The following GLRA1 variants were observed in gnomAD, a reference collection of about 807,000 sequenced individuals.
GLRA1 encodes glycine receptor subunit alpha-1.
A neutral mutation model predicts 48.3 loss-of-function variants in GLRA1; 37 were observed. The observed-to-expected ratio is 0.77, with a 90% CI of 0.59 to 1.01. The LOEUF is 1.01. GLRA1 is among the 50% of genes least tolerant of loss of function. The pLI, the probability that GLRA1 is intolerant of heterozygous loss-of-function variation, is 0.00. For synonymous variants in GLRA1, 196 were observed against 210.7 expected, an observed-to-expected ratio of 0.93 and a Z score of 0.60; for missense variants, 427 against 571.0, an observed-to-expected ratio of 0.75 and a Z score of 2.57.
At chr5:151,850,083 T>G in intron 7 of GLRA1, 1 of 1,604,054 alleles carries the variant, frequency 6.2e-7, no homozygotes, top group Non-Finnish European at 8.5e-7. Flanking sequence ...GGAGCAGGAA[T>G]ATACCCTCAT....
In GLRA1 at chr5:151,914,321, C is replaced by A. The variant is rs548536896; in HGVS notation, c.56+10173G>T. Among the ~76,000 whole-genome samples the A allele has an allele frequency of 2.2e-4, 34 of 152,248 alleles. No individual in the cohort carries two copies. In the South Asian group the frequency reaches 6.6e-3, roughly 30 times the overall value. The stretch of plus-strand genomic sequence containing the variant: ...TATGGAGGGCTGGCCCTTTCTGCTC[C>A]CCTTGCCTTGTCTGGGCTGGATGTG... On this transcript the variant is annotated intron_variant, in intron 1 of 8. Coordinates refer to ENST00000274576, the MANE Select transcript of GLRA1 (RefSeq NM_000171.4).
intron 7 of GLRA1, among the ~76,000 whole-genome samples, chr5:151,832,450 T>C (rs764105809): frequency 1.3e-5 from 2 of 151,788 alleles, no homozygotes; most frequent in African/African-American, 2.4e-5. Flanking sequence ...TAGAGAAGAA[T>C]ATAAATGACC....
intron 4 of GLRA1, among the ~76,000 whole-genome samples, chr5:151,857,811 G>A (rs529781367): frequency 2.0e-5 from 3 of 152,358 alleles, no homozygotes; most frequent in South Asian, 4.1e-4. Flanking sequence ...CAACATCTGA[G>A]TGCCTGCTGC....
intron 7 of GLRA1, among the ~76,000 whole-genome samples, chr5:151,840,164 G>T (rs1275046485): frequency 6.6e-6 from 1 of 151,832 alleles, no homozygotes; most frequent in Non-Finnish European, 1.5e-5. Flanking sequence ...TGCCAGCATG[G>T]CTCACTGCAG....
At chr5:151,873,638 C>G (rs1014870229) in intron 3 of GLRA1, among the ~76,000 whole-genome samples, 24 of 148,814 alleles carry the variant, frequency 1.6e-4, no homozygotes, top group Non-Finnish European at 7.4e-5. Flanking sequence ...TGCACTCCAA[C>G]CTGGGTGACA....
Position 151,841,201 on chromosome 5 carries a change from A to G in GLRA1, c.912+10189T>C, listed in dbSNP as rs1049764963. ...TGTTTTCTGATTTCAATGGAATATT[A>G]AAAATCAATAACCAAAAGAAAGTTG... On this transcript the variant is annotated intron_variant, in intron 7 of 8. Transcript: ENST00000274576. Among the ~76,000 whole-genome samples, 8 of 152,158 alleles carry G rather than the reference A, an allele frequency of 5.3e-5. No individual in the cohort carries two copies. In the East Asian group the frequency reaches 7.7e-4, roughly 15 times the overall value.
At chr5:151,878,889 G>A (rs1257380250) in intron 3 of GLRA1, among the ~76,000 whole-genome samples, 2 of 152,232 alleles carry the variant, frequency 1.3e-5, no homozygotes, top group Non-Finnish European at 2.9e-5. Flanking sequence ...CTAGGGCAGT[G>A]CAGAAGGGAA....
intron 4 of GLRA1, among the ~76,000 whole-genome samples, chr5:151,859,084 C>T (rs1044360614): frequency 5.9e-5 from 9 of 152,128 alleles, no homozygotes; most frequent in African/African-American, 2.2e-4. Context: ...ATTAGGAGGG[C>T]TGGATATAAC....
At chr5:151,897,325 C>G (rs1012571899) in intron 1 of GLRA1, among the ~76,000 whole-genome samples, 1 of 152,198 alleles carries the variant, frequency 6.6e-6, no homozygotes, top group African/African-American at 2.4e-5. Flanking sequence ...TACCACAATT[C>G]CCGGTTAACT....
At chr5:151,825,603 A>G (rs1386972347) in intron 8 of GLRA1, among the ~76,000 whole-genome samples, 2 of 152,196 alleles carry the variant, frequency 1.3e-5, no homozygotes, top group Non-Finnish European at 2.9e-5. Flanking sequence ...GAGCTGGAGC[A>G]GGGGAAATCT....
intron 8 of GLRA1, among the ~76,000 whole-genome samples, chr5:151,827,029 G>GTTTTTTTTTTTTTTT (rs199505206): frequency 3.2e-5 from 4 of 126,802 alleles, no homozygotes; most frequent in African/African-American, 1.2e-4. Flanking sequence ...CTTTCTTTCT[G>GTTTTTTTTTTTTTTT]TTTTTTTTTT....
chr5:151,859,442 T>C (rs938694318), intron 4 of GLRA1, among the ~76,000 whole-genome samples: 2 of 152,230 alleles, frequency 1.3e-5, no homozygotes, highest in African/African-American at 4.8e-5. Flanking sequence ...TTTTCTAGGC[T>C]TTATGCCTTA....
chr5:151,857,442 C>T (rs1341243107), intron 4 of GLRA1, among the ~76,000 whole-genome samples: 1 of 152,212 alleles, frequency 6.6e-6, no homozygotes, highest in Non-Finnish European at 1.5e-5. Flanking sequence ...CCTTACTCTT[C>T]TGCATAGCCC....
chr5:151,855,017 A>G lies in GLRA1; in HGVS notation c.697+23T>C, dbSNP rs771822701. ...GGTCCTGGTTGGGGGGTGGGATCTG[A>G]GGAGGGTGGCCCTTGTACCTACCTG... is the stretch of plus-strand genomic sequence containing the variant. On this transcript the variant is annotated intron_variant, in intron 6 of 8. Coordinates refer to ENST00000274576, the MANE Select transcript of GLRA1 (RefSeq NM_000171.4). 2.5e-6 allele frequency: 4 copies of G among 1,612,914 alleles called. No homozygotes were observed. The South Asian group carries it at 3.3e-5, about 13-fold the overall frequency.
At chr5:151,830,930 A>C (rs971421415) in intron 7 of GLRA1, among the ~76,000 whole-genome samples, 4 of 152,216 alleles carry the variant, frequency 2.6e-5, no homozygotes, top group African/African-American at 9.6e-5. Flanking sequence ...TGATTTCTGC[A>C]TTTCTAACTG....
intron 3 of GLRA1, among the ~76,000 whole-genome samples, chr5:151,879,767 G>A (rs1291002570): frequency 6.6e-6 from 1 of 152,184 alleles, no homozygotes. Context: ...GCCTTTGGGG[G>A]ACTGTTGGGA....
rs775599403 is a variant in GLRA1 at position 151,822,849 on chromosome 5, T to C, written c.1174A>G (p.Asn392Asp). The change falls in exon 9 of 9, where the codon AAC (asparagine) becomes GAC (aspartate). Residue 392 changes from asparagine (N) to aspartate (D), a missense_variant. By Grantham distance (23) the Asn-to-Asp change is conservative. Around this residue, in one of 4 missense-constraint regions of GLRA1, gnomAD observed 121 missense variants for 96.5 expected, o/e 1.25. Coordinates refer to ENST00000274576, the MANE Select transcript of GLRA1 (RefSeq NM_000171.4). ...GACTTAGATGGTGCAGGAGGGGGGT[T>C]GGTGGTGTTACTGTTGTTGGCGCCC... ...VKGANNSNTT[N>D]PPPAPSKSPE... 17 of 1,613,950 alleles carry C rather than the reference T, an allele frequency of 1.1e-5. No homozygotes were observed. In the African/African-American group the frequency reaches 2.3e-4, roughly 22 times the overall value.
At chr5:151,848,342 A>G (rs750949992) in intron 7 of GLRA1, among the ~76,000 whole-genome samples, 17 of 152,148 alleles carry the variant, frequency 1.1e-4, no homozygotes, top group Non-Finnish European at 1.9e-4. Flanking sequence ...CTGAGCCTCT[A>G]ATGAATCTTA....
At chr5:151,914,356 C>T (rs901576681) in intron 1 of GLRA1, among the ~76,000 whole-genome samples, 1 of 152,106 alleles carries the variant, frequency 6.6e-6, no homozygotes, top group Non-Finnish European at 1.5e-5. Context: ...GGTTTTCTGG[C>T]TTAGAGATGT....
Sources: gnomAD v4.1 joint callset for allele counts (sites outside exome capture counted in the v4.1 genomes callset) on GRCh38, gnomAD v4.1.1 for gene constraint, gnomAD v4.1.1 regional missense constraint, MANE v1.5 for transcripts, NCBI Gene and HGNC (gene_info 2026-07-23, HGNC 2026-07-21) for gene names.